Variants in TUBGCP3 observed in about 807,000 individuals in gnomAD.
The protein encoded by TUBGCP3 is tubulin gamma complex component 3.
TUBGCP3 carries 50 observed loss-of-function variants against 123.1 expected under a neutral mutation model. The observed-to-expected ratio is 0.41, with a 90% CI of 0.32 to 0.51. The LOEUF is 0.51. Among genes scored for constraint, TUBGCP3 ranks in the 20% least tolerant of loss-of-function variants. TUBGCP3 has a pLI of 0.36. For synonymous variants in TUBGCP3, 405 were observed against 413.9 expected (o/e 0.98, Z 0.26); for missense variants, 882 against 1,127.0 (o/e 0.78, Z 3.11).
intron 11 of TUBGCP3, among the ~76,000 whole-genome samples, chr13:112,544,305 A>G (rs1473307365): frequency 6.6e-6 from 1 of 152,040 alleles, no homozygotes; most frequent in Non-Finnish European, 1.5e-5. Flanking sequence ...TACAAAAATT[A>G]GCCAGGCATG....
chr13:112,591,019 TA>T (rs1186688891), upstream of TUBGCP3, among the ~76,000 whole-genome samples: 1 of 152,174 alleles, frequency 6.6e-6, no homozygotes, highest in East Asian at 1.9e-4. Context: ...GGCACCTAAG[TA>T]AAAACTGTTA....
At chr13:112,498,729 G>A (rs890624553) in intron 20 of TUBGCP3, 18 of 1,478,584 alleles carry the variant, frequency 1.2e-5, no homozygotes, top group African/African-American at 7.0e-5. Context: ...GATGCAGAGC[G>A]GAGGCAGCTG....
chr13:112,585,462 T>C (rs912032577), intron 1 of TUBGCP3, among the ~76,000 whole-genome samples: 11 of 152,154 alleles, frequency 7.2e-5, no homozygotes, highest in Admixed American at 4.6e-4. Flanking sequence ...CTTCATGACA[T>C]AATTTATTCA....
chr13:112,521,462 C>A (rs891241090), intron 14 of TUBGCP3, among the ~76,000 whole-genome samples: 10 of 152,212 alleles, frequency 6.6e-5, no homozygotes, highest in African/African-American at 2.4e-4. Flanking sequence ...GCAGCTGGAA[C>A]TGGCTGGAAA....
the TUBGCP3 span, among the ~76,000 whole-genome samples, chr13:112,595,970 G>A: frequency 2.6e-5 from 4 of 151,944 alleles, no homozygotes; most frequent in African/African-American, 7.3e-5. Flanking sequence ...TCTTTTTTGA[G>A]GAGTTTCTTT....
chr13:112,572,703 G>A (rs1045638911), intron 1 of TUBGCP3, among the ~76,000 whole-genome samples: 7 of 152,026 alleles, frequency 4.6e-5, no homozygotes, highest in African/African-American at 1.7e-4. Flanking sequence ...TTAAGTTTGC[G>A]CACTTCATGG....
At chr13:112,496,287 G>A (rs1204676418) in intron 20 of TUBGCP3, among the ~76,000 whole-genome samples, 1 of 152,240 alleles carries the variant, frequency 6.6e-6, no homozygotes, top group Non-Finnish European at 1.5e-5. Context: ...GAAGAGCCAT[G>A]AGGAGGAAGA....
intron 1 of TUBGCP3, among the ~76,000 whole-genome samples, chr13:112,573,231 A>C (rs1881552220): frequency 6.6e-6 from 1 of 151,648 alleles, no homozygotes; most frequent in South Asian, 2.1e-4. Context: ...GTATGCCATA[A>C]ATTCAGAGAA....
Position 112,561,490 on chromosome 13 carries a change from G to A in TUBGCP3, c.253-2091C>T, listed in dbSNP as rs546632520. 3.9e-5 allele frequency among the ~76,000 whole-genome samples: 6 copies of A among 152,320 alleles called. No homozygotes were observed. The East Asian group carries it at 9.6e-4, about 24-fold the overall frequency. On this transcript the variant is annotated intron_variant, in intron 3 of 21. Transcript: ENST00000261965. ...GCAGGGTTCAAACCCAGGTCTGCCC[G>A]ACTCCAAAACGGACAAACGAGAGAT...
intron 11 of TUBGCP3, among the ~76,000 whole-genome samples, chr13:112,531,001 G>T (rs935198289): frequency 2.0e-5 from 3 of 152,170 alleles, no homozygotes; most frequent in African/African-American, 7.2e-5. Context: ...CTGAACACAT[G>T]CTACCAGTAA....
rs776775153 is a variant in TUBGCP3 at position 112,499,087 on chromosome 13, T to C, written c.2406A>G (p.Arg802=). The change falls in exon 20 of 22, where the codon AGA becomes AGG. Residue 802 remains arginine (R), a synonymous_variant. Transcript: ENST00000261965. The part of the protein sequence containing the change: ...IYRAALEELQ[R]RLQFEEKKKQ... The stretch of plus-strand genomic sequence containing the variant: ...TCTTTTTCTCTTCAAACTGTAATCG[T>C]CTCTGCAATTCTTCCAGAGCAGCTC... The C allele has an allele frequency of 3.1e-6, 5 of 1,614,048 alleles. No homozygotes were observed. In the African/African-American group the frequency reaches 6.7e-5, roughly 22 times the overall value.
rs1184006400 is a variant in TUBGCP3 at position 112,581,077 on chromosome 13, C to CAGGG, written c.76+6824_76+6827dup. Among the ~76,000 whole-genome samples, 3 of 152,286 alleles carry CAGGG rather than the reference C, an allele frequency of 2.0e-5. No homozygotes were observed. In the East Asian group the frequency reaches 5.8e-4, roughly 29 times the overall value. ...AGAACCCAACCTCCTGGCCCCAGCC[C>CAGGG]AGGGAGCCGGCCCCTTGCTCCCCAC... On this transcript the variant is annotated intron_variant, in intron 1 of 21. Transcript: ENST00000261965.
intron 11 of TUBGCP3, among the ~76,000 whole-genome samples, chr13:112,541,029 T>G (rs149524764): frequency 3.1e-3 from 473 of 152,352 alleles, no homozygotes; most frequent in Middle Eastern, 0.01. Flanking sequence ...AAGGGTCTGC[T>G]TTTGTCTCAC....
At chr13:112,542,297 T>A (rs1303708416) in intron 11 of TUBGCP3, among the ~76,000 whole-genome samples, 2 of 152,212 alleles carry the variant, frequency 1.3e-5, no homozygotes, top group Non-Finnish European at 2.9e-5. Context: ...ATATGCATTC[T>A]AAATAATCAA....
At chr13:112,588,170 G>C (rs1017525327), upstream of TUBGCP3, 78 of 443,138 alleles carry the variant, frequency 1.8e-4, no homozygotes, top group Non-Finnish European at 2.8e-4. Context: ...TTCCCACAAT[G>C]CCCCGCTTCT....
intron 11 of TUBGCP3, among the ~76,000 whole-genome samples, chr13:112,540,001 C>T (rs111533173): frequency 2.6e-3 from 143 of 55,948 alleles, no homozygotes; most frequent in African/African-American, 8.9e-3. Context: ...TGGGAAAGGA[C>T]ACCTGGGAAT....
intron 19 of TUBGCP3, among the ~76,000 whole-genome samples, chr13:112,502,979 A>T (rs1448415963): frequency 6.6e-6 from 1 of 152,146 alleles, no homozygotes; most frequent in African/African-American, 2.4e-5. Context: ...TTTTGACATG[A>T]TTGATAGTTC....
intron 9 of TUBGCP3, 125 bp from the exon 10 acceptor site, chr13:112,547,877 A>G: frequency 9.1e-7 from 1 of 1,104,296 alleles, no homozygotes; most frequent in Non-Finnish European, 1.2e-6. Flanking sequence ...AGTCCCCTTT[A>G]AAAAAAAATA....
intron 11 of TUBGCP3, among the ~76,000 whole-genome samples, chr13:112,537,258 A>G (rs994282222): frequency 6.6e-6 from 1 of 151,784 alleles, no homozygotes; most frequent in Non-Finnish European, 1.5e-5. Context: ...TTATGAAGAA[A>G]GCATGGAATC....
Sources: allele counts gnomAD v4.1 joint callset (sites outside exome capture counted in the v4.1 genomes callset), GRCh38; gene constraint gnomAD v4.1.1; transcripts MANE v1.5; gene names NCBI Gene and HGNC (gene_info 2026-07-23, HGNC 2026-07-21).